GPC5: variants seen among roughly 807,000 people sequenced by gnomAD.
The protein encoded by GPC5 is glypican 5, also known as glypican-5.
Under a neutral mutation model 53.9 loss-of-function variants are expected in GPC5, and 47 were observed. That is an observed-to-expected ratio of 0.87 (90% CI 0.69 to 1.11). The LOEUF (loss-of-function observed/expected upper bound fraction) is 1.11. Among genes scored for constraint, GPC5 ranks in the 50% most tolerant of loss-of-function variants. GPC5 has a pLI of 0.00. For missense variants in GPC5, 748 were observed against 713.1 expected (o/e 1.05, Z -0.56); for synonymous variants, 286 against 263.3 (o/e 1.09, Z -0.84).
chr13:92,694,775 T>C (rs139987663), intron 7 of GPC5, among the ~76,000 whole-genome samples: 1 of 152,112 alleles, frequency 6.6e-6, no homozygotes, highest in Admixed American at 6.6e-5. Flanking sequence ...TGGGAAGACA[T>C]GATTGTGTTT....
At chr13:91,686,293 T>C (rs2139767521) in intron 2 of GPC5, among the ~76,000 whole-genome samples, 1 of 151,800 alleles carries the variant, frequency 6.6e-6, no homozygotes, top group African/African-American at 2.4e-5. Context: ...AGGAGGGAAA[T>C]GAGGGAGGAA....
intron 1 of GPC5, among the ~76,000 whole-genome samples, chr13:91,436,987 T>C (rs1443602620): frequency 6.6e-6 from 1 of 152,202 alleles, no homozygotes; most frequent in Non-Finnish European, 1.5e-5. Context: ...AAAGTCTGTT[T>C]TATCAGAGAC....
intron 7 of GPC5, among the ~76,000 whole-genome samples, chr13:92,731,394 G>T (rs563455745): frequency 6.6e-6 from 1 of 151,284 alleles, no homozygotes; most frequent in Non-Finnish European, 1.5e-5. Context: ...GTATATAAAC[G>T]TGAAATAATG....
In GPC5 at chr13:91,868,428, T is replaced by C. The variant is rs2039107314; in HGVS notation, c.1281-39509T>C. On this transcript the variant is annotated intron_variant, in intron 5 of 7. Coordinates refer to ENST00000377067, the MANE Select transcript of GPC5 (RefSeq NM_004466.6). ...TGAGGTAAAGTATAGGAGACAAGGC[T>C]GGGCATGGTGCCTCATGCCTATAAT... is the stretch of plus-strand genomic sequence containing the variant. Among the ~76,000 whole-genome samples, 2 of 152,192 alleles carry C rather than the reference T, an allele frequency of 1.3e-5. 1 individual carries two copies. Among genetic ancestry groups the C allele is most frequent in the Admixed American group, 1.3e-4 (2 of 15,272 alleles).
At chr13:91,559,147 C>G (rs2031120280) in intron 2 of GPC5, among the ~76,000 whole-genome samples, 1 of 152,028 alleles carries the variant, frequency 6.6e-6, no homozygotes, top group South Asian at 2.1e-4. Flanking sequence ...CAGTGTTGAG[C>G]TCTTTGTGTA....
intron 6 of GPC5, among the ~76,000 whole-genome samples, chr13:92,011,746 T>G (rs992733214): frequency 6.6e-6 from 1 of 152,186 alleles, no homozygotes; most frequent in African/African-American, 2.4e-5. Context: ...AAAGTGCTAG[T>G]TTGGTATCTT....
At position 92,291,339 on chromosome 13, in the gene GPC5, GT is replaced by G. The variant is rs1321114922; in HGVS notation, c.1561+146351del. Among the ~76,000 whole-genome samples the G allele has an allele frequency of 1.6e-4, 24 of 152,300 alleles. No individual in the cohort carries two copies. In the East Asian group the frequency reaches 4.6e-3, roughly 29 times the overall value. On this transcript the variant is annotated intron_variant, in intron 7 of 7. Coordinates refer to ENST00000377067, the MANE Select transcript of GPC5 (RefSeq NM_004466.6). ...TGGAGGGGACTTGGAGAACCTTTAT[GT>G]CTAGCTAAGGGATTGTAAGTACACC...
chr13:91,496,870 A>T (rs1274677827), intron 2 of GPC5, among the ~76,000 whole-genome samples: 2 of 152,180 alleles, frequency 1.3e-5, no homozygotes, highest in Admixed American at 6.5e-5. Context: ...GCCTGTATTA[A>T]AGTATCTCAT....
At chr13:92,435,610 T>C (rs942017639) in intron 7 of GPC5, among the ~76,000 whole-genome samples, 1 of 152,156 alleles carries the variant, frequency 6.6e-6, no homozygotes, top group Non-Finnish European at 1.5e-5. Context: ...AAAAGAGAAC[T>C]GAGTCATGGG....
At chr13:92,131,736 C>G (rs1045065558) in intron 6 of GPC5, among the ~76,000 whole-genome samples, 2 of 151,774 alleles carry the variant, frequency 1.3e-5, no homozygotes, top group Middle Eastern at 6.8e-3. Flanking sequence ...TGGGGTATTT[C>G]TAAGATGATT....
chr13:91,717,430 G>A (rs2036362507), intron 3 of GPC5, among the ~76,000 whole-genome samples: 2 of 152,310 alleles, frequency 1.3e-5, no homozygotes, highest in South Asian at 4.1e-4. Context: ...AGAGAAAGTC[G>A]GCAAGGTAGC....
At chr13:92,026,061 G>A (rs1438849240) in intron 6 of GPC5, among the ~76,000 whole-genome samples, 1 of 152,104 alleles carries the variant, frequency 6.6e-6, no homozygotes. Context: ...GAGTAGAATT[G>A]TAACAAAAAT....
chr13:91,914,890 A>G (rs1038020973), intron 6 of GPC5, among the ~76,000 whole-genome samples: 4 of 152,190 alleles, frequency 2.6e-5, no homozygotes, highest in African/African-American at 9.6e-5. Context: ...TTTTATAAAC[A>G]TCCTTTCCTA....
At chr13:91,920,506 A>T (rs1375620504) in intron 6 of GPC5, among the ~76,000 whole-genome samples, 1 of 152,234 alleles carries the variant, frequency 6.6e-6, no homozygotes, top group Non-Finnish European at 1.5e-5. Context: ...ATTTTCAGAA[A>T]TGAAGAGTCA....
At chr13:91,911,452 G>A (rs183012786) in intron 6 of GPC5, among the ~76,000 whole-genome samples, 1 of 152,134 alleles carries the variant, frequency 6.6e-6, no homozygotes, top group Non-Finnish European at 1.5e-5. Context: ...ACTGAGGCAG[G>A]AGAATCGCTT....
At chr13:91,994,520 A>C (rs1202762971) in intron 6 of GPC5, 3 of 152,208 alleles carry the variant, frequency 2.0e-5, no homozygotes, top group African/African-American at 7.2e-5. Context: ...AATGATTCTT[A>C]ATTAAACTTC....
At chr13:92,824,521 G>A (rs555552396) in intron 7 of GPC5, among the ~76,000 whole-genome samples, 150 of 152,216 alleles carry the variant, frequency 9.9e-4, no homozygotes, top group African/African-American at 3.5e-3. Flanking sequence ...GAAGAAGACA[G>A]CATAATTCCT....
At chr13:91,667,776 T>G (rs537781161) in intron 2 of GPC5, among the ~76,000 whole-genome samples, 1 of 152,280 alleles carries the variant, frequency 6.6e-6, no homozygotes, top group South Asian at 2.1e-4. Context: ...TGCCCAGTGA[T>G]TCATGTGGAG....
At chr13:92,177,145 A>C (rs576827819) in intron 7 of GPC5, among the ~76,000 whole-genome samples, 1 of 152,270 alleles carries the variant, frequency 6.6e-6, no homozygotes, top group South Asian at 2.1e-4. Context: ...TTCTTGGCTT[A>C]CAGACCCCTG....
Sources: gnomAD v4.1 joint callset for allele counts (sites outside exome capture counted in the v4.1 genomes callset) on GRCh38, gnomAD v4.1.1 for gene constraint, MANE v1.5 for transcripts, NCBI Gene and HGNC (gene_info 2026-07-23, HGNC 2026-07-21) for gene names.